Variants in ANKRD16 observed in about 807,000 individuals in gnomAD.
ANKRD16 encodes ankyrin repeat domain 16, also known as ankyrin repeat domain-containing protein 16.
A neutral mutation model predicts 37.9 loss-of-function variants in ANKRD16; 35 were observed. That is an observed-to-expected ratio of 0.92 (90% CI 0.71 to 1.23). The LOEUF is 1.23. Ranked by LOEUF, ANKRD16 falls within the 50% of genes most tolerant of loss-of-function variation. The pLI, the probability that ANKRD16 is intolerant of heterozygous loss-of-function variation, is 0.00. For synonymous variants in ANKRD16, 206 were observed against 197.2 expected (o/e 1.04, Z -0.37); for missense variants, 480 against 469.9 (o/e 1.02, Z -0.20).
chr10:5,880,921 C>A (rs1037649677), intron 5 of ANKRD16, among the ~76,000 whole-genome samples: 1 of 151,326 alleles, frequency 6.6e-6, no homozygotes, highest in African/African-American at 2.4e-5. Context: ...CTAAAACAGT[C>A]GACTGCTAAA....
intron 2 of ANKRD16, among the ~76,000 whole-genome samples, chr10:5,887,367 C>A (rs1446982723): frequency 7.3e-6 from 1 of 137,704 alleles, no homozygotes; most frequent in Non-Finnish European, 1.5e-5. Context: ...CAAAAGGCCC[C>A]TAGATGCTTT....
chr10:5,889,199 C>T lies in ANKRD16; in HGVS notation c.156G>A (p.Val52=). The part of the protein sequence containing the change: ...HCAARHGHRD[V]LAYLAEAWGM... ...CCCAGGCCTCGGCCAGATAGGCCAGCACGTCCCGATGCCCGTGGCGCGCGG... is the reference window on the plus strand; with the variant it reads ...CCCAGGCCTCGGCCAGATAGGCCAGTACGTCCCGATGCCCGTGGCGCGCGG... Residue 52 remains valine, a synonymous_variant, in exon 1 of 8, where the codon GTG becomes GTA. Transcript: ENST00000380094. The T allele has an allele frequency of 6.3e-7, 1 of 1,596,586 alleles. No homozygotes were observed. Among genetic ancestry groups the T allele is most frequent in the Non-Finnish European group, 8.5e-7 (1 of 1,178,856 alleles).
At chr10:5,876,843 T>C (rs1320025252) in intron 7 of ANKRD16, among the ~76,000 whole-genome samples, 1 of 152,050 alleles carries the variant, frequency 6.6e-6, no homozygotes, top group East Asian at 1.9e-4. Context: ...TAATTATTCT[T>C]TGCAATTCAG....
Position 5,862,749 on chromosome 10 carries a change from G to A in ANKRD16, c.*34-58C>T. The A allele has an allele frequency of 8.3e-7, 1 of 1,205,248 alleles. No individual in the cohort carries two copies. Among genetic ancestry groups the A allele is most frequent in the Admixed American group, 2.3e-5 (1 of 43,422 alleles). 74.7% of individuals were successfully genotyped at this position (1,205,248 alleles called of 1,614,324 possible). A position where few individuals can be genotyped will look rare whatever the true frequency, so the allele number is the denominator to read the frequency against. Reference sequence around the variant, plus strand: ...ACAGATGAAACAGAAGCTCAGAGAGGGCAAGCAGCTAGCACAAGGTCCCAC... The same window carrying A: ...ACAGATGAAACAGAAGCTCAGAGAGAGCAAGCAGCTAGCACAAGGTCCCAC... On this transcript the variant is annotated intron_variant, in intron 7 of 7. Coordinates refer to ENST00000380094, the MANE Select transcript of ANKRD16 (RefSeq NM_019046.3). This position sits in a 1 kb window ranked among gnomAD's most constrained non-coding sequence, Gnocchi z 6.5.
rs1842096573 is a variant in ANKRD16, at chr10:5,871,953, C to CA, written c.*33+6143dup. Among the ~76,000 whole-genome samples, 1 of 152,174 alleles carries CA rather than the reference C, an allele frequency of 6.6e-6. No individual in the cohort carries two copies. The highest frequency in any genetic ancestry group is 2.1e-4 in the South Asian group (1 of 4,832). On this transcript the variant is annotated intron_variant, in intron 7 of 7. Coordinates refer to ENST00000380094, the MANE Select transcript of ANKRD16 (RefSeq NM_019046.3). The surrounding 1 kb of genome is among the most constrained non-coding windows in gnomAD (Gnocchi z 4.5). ...GCAGCCCATATCTCCCACCCACTCG[C>CA]ATGGCCCAACCTCCAGTGATCAAAT...
Position 5,887,897 on chromosome 10 carries a change from C to G in ANKRD16, c.485G>C (p.Gly162Ala), listed in dbSNP as rs750489984. ...ILQYLLTVCPGAWKTESKIRR... is the reference protein window; with the variant it reads ...ILQYLLTVCPAAWKTESKIRR... ...AATTTTGCTCTCTGTCTTCCAGGCA[C>G]CTGGGCAAACAGTGAGCAGGTACTG... is the stretch of plus-strand genomic sequence containing the variant. Residue 162 changes from glycine to alanine, a missense_variant, in exon 2 of 8, where the codon GGT becomes GCT. Physicochemically the swap from Gly to Ala is moderately conservative, Grantham distance 60 (BLOSUM62 0). Coordinates refer to ENST00000380094, the MANE Select transcript of ANKRD16 (RefSeq NM_019046.3). The G allele has an allele frequency of 6.2e-7, 1 of 1,614,222 alleles. No homozygotes were observed. Among genetic ancestry groups the G allele is most frequent in the Admixed American group, 1.7e-5 (1 of 60,028 alleles).
rs1842054054 is a variant in ANKRD16 at position 5,869,057 on chromosome 10, A to G, written c.*34-6366T>C. On this transcript the variant is annotated intron_variant, in intron 7 of 7. Transcript: ENST00000380094. This position sits in a 1 kb window ranked among gnomAD's most constrained non-coding sequence, Gnocchi z 4.0. ...AACACAAATTTGTAAATTTTCTTAA[A>G]ACATTGAGATGTTTTGCGATTTTTT... Among the ~76,000 whole-genome samples, 1 of 152,166 alleles carries G rather than the reference A, an allele frequency of 6.6e-6. No homozygotes were observed. Among genetic ancestry groups the G allele is most frequent in the Non-Finnish European group, 1.5e-5 (1 of 68,030 alleles).
chr10:5,870,567 T>C lies in ANKRD16; in HGVS notation c.*33+7530A>G, dbSNP rs1842073134. On this transcript the variant is annotated intron_variant, in intron 7 of 7. Coordinates refer to ENST00000380094, the MANE Select transcript of ANKRD16 (RefSeq NM_019046.3). The surrounding 1 kb of genome is among the most constrained non-coding windows in gnomAD (Gnocchi z 5.0). ...TACAGGCACACCACGCCCAGCTAAT[T>C]TTTTGTATTTTTTGTAGAGGCAGGG... is the stretch of plus-strand genomic sequence containing the variant. 6.6e-6 allele frequency among the ~76,000 whole-genome samples: 1 copy of C among 152,046 alleles called. No homozygotes were observed. The highest frequency in any genetic ancestry group is 1.5e-5 in the Non-Finnish European group (1 of 68,006).
chr10:5,875,713 C>CTT (rs71388492), intron 7 of ANKRD16, among the ~76,000 whole-genome samples: 2 of 106,372 alleles, frequency 1.9e-5, no homozygotes, highest in Non-Finnish European at 4.1e-5. Flanking sequence ...AATTAATGTT[C>CTT]TTTTTTTTTT....
chr10:5,880,199 A>ATGG, intron 6 of ANKRD16, 99 bp downstream of exon 6: 1 of 290,074 alleles, frequency 3.4e-6, no homozygotes. Flanking sequence ...AAAAAAAAAA[A>ATGG]AAAAAGGAAG....
At chr10:5,885,321 C>A (rs905608229) in intron 3 of ANKRD16, among the ~76,000 whole-genome samples, 29 of 152,110 alleles carry the variant, frequency 1.9e-4, no homozygotes, top group African/African-American at 7.0e-4. Context: ...GCTGGGACTA[C>A]AGGCGCCCGC....
rs77417940 is a variant in ANKRD16 at position 5,882,087 on chromosome 10, C to T, written c.849+919G>A. On this transcript the variant is annotated intron_variant, in intron 5 of 7. Transcript: ENST00000380094. Reference sequence around the variant, plus strand: ...CGCCTGGCCTATAAAATAATTTATACACTCTTTGTCTAGCCAGTTAGTCTG... The same window carrying T: ...CGCCTGGCCTATAAAATAATTTATATACTCTTTGTCTAGCCAGTTAGTCTG... 8.2e-4 allele frequency among the ~76,000 whole-genome samples: 124 copies of T among 151,866 alleles called. 3 individuals carry two copies. The East Asian group carries it at 0.015, about 18-fold the overall frequency.
rs78666299 is a variant in ANKRD16 at position 5,868,636 on chromosome 10, G to A, written c.*34-5945C>T. ...AGGGAATAAAAGCTGGCCACCCCCA[G>A]CCAGCAGCGGCAACCCACTCGGGTC... On this transcript the variant is annotated intron_variant, in intron 7 of 7. Transcript: ENST00000380094. This position sits in a 1 kb window ranked among gnomAD's most constrained non-coding sequence, Gnocchi z 4.9. 1.3e-5 allele frequency among the ~76,000 whole-genome samples: 2 copies of A among 152,174 alleles called. No individual in the cohort carries two copies. Among genetic ancestry groups the A allele is most frequent in the Non-Finnish European group, 2.9e-5 (2 of 68,036 alleles).
Position 5,887,967 on chromosome 10 carries a change from T to G in ANKRD16, c.415A>C (p.Asn139His). Residue 139 changes from asparagine to histidine, a missense_variant, in exon 2 of 8, where the codon AAC (asparagine) becomes CAC (histidine). Coordinates refer to ENST00000380094, the MANE Select transcript of ANKRD16 (RefSeq NM_019046.3). ...TCTCGACTGGCAATGTGGAAACTGT[T>G]CCAGCCATCTTTGTTCTTCAGGAGT... The part of the protein sequence containing the change: ...NPLLKNKDGW[N>H]SFHIASREGD... The G allele has an allele frequency of 6.2e-7, 1 of 1,614,168 alleles. No individual in the cohort carries two copies. The highest frequency in any genetic ancestry group is 1.1e-5 in the South Asian group (1 of 91,080).
At chr10:5,883,600 A>G (rs1023885068) in intron 4 of ANKRD16, among the ~76,000 whole-genome samples, 2 of 152,176 alleles carry the variant, frequency 1.3e-5, no homozygotes, top group African/African-American at 4.8e-5. Context: ...CTGCTCTCAA[A>G]AAAGGGCTCT....
chr10:5,878,366 A>G lies in ANKRD16; in HGVS notation c.929-79T>C, dbSNP rs1311028826. The G allele has an allele frequency of 4.0e-6, 5 of 1,251,778 alleles. No individual in the cohort carries two copies. Among genetic ancestry groups the G allele is most frequent in the Non-Finnish European group, 5.5e-6 (5 of 909,862 alleles). 77.5% of individuals were successfully genotyped at this position (1,251,778 alleles called of 1,614,324 possible). On this transcript the variant is annotated intron_variant, in intron 6 of 7. Coordinates refer to ENST00000380094, the MANE Select transcript of ANKRD16 (RefSeq NM_019046.3). This position sits in a 1 kb window ranked among gnomAD's most constrained non-coding sequence, Gnocchi z 5.1. ...TGACCTCATGAGTTGATAGTGCCCA[A>G]TAAAAATATCAATTCTTTCAATATC...
Position 5,889,326 on chromosome 10 carries a change from A to G in ANKRD16, c.29T>C (p.Leu10Pro). Reference protein sequence around the residue: MAQPGDPRRLCRLVQEGRLR... With the variant: MAQPGDPRRPCRLVQEGRLR... ...CCGGCCCTCCTGCACCAGCCTGCAGAGGCGCCGCGGGTCCCCGGGCTGGGC... is the reference window on the plus strand; with the variant it reads ...CCGGCCCTCCTGCACCAGCCTGCAGGGGCGCCGCGGGTCCCCGGGCTGGGC... The change falls in exon 1 of 8, where the codon CTC (leucine) becomes CCC (proline). Residue 10 changes from leucine (L) to proline (P), a missense_variant. Coordinates refer to ENST00000380094, the MANE Select transcript of ANKRD16 (RefSeq NM_019046.3). The G allele has an allele frequency of 7.9e-7, 1 of 1,266,264 alleles. No individual in the cohort carries two copies. Among genetic ancestry groups the G allele is most frequent in the Non-Finnish European group, 9.9e-7 (1 of 1,009,362 alleles). The allele number at this position is 1,266,264 out of a possible 1,614,324, so 78.4% of individuals were successfully genotyped here. A position where few individuals can be genotyped will look rare whatever the true frequency, so the allele number is the denominator to read the frequency against.
intron 5 of ANKRD16, among the ~76,000 whole-genome samples, chr10:5,882,367 C>A (rs1042078040): frequency 3.3e-5 from 5 of 151,824 alleles, no homozygotes; most frequent in Non-Finnish European, 7.4e-5. Flanking sequence ...CGTGGTGAAA[C>A]CCCGTCTCTA....
In ANKRD16 at chr10:5,889,146, T is replaced by C; in HGVS notation, c.209A>G (p.Asp70Gly). 1 of 1,598,118 alleles carries C rather than the reference T, an allele frequency of 6.3e-7. No individual in the cohort carries two copies. Among genetic ancestry groups the C allele is most frequent in the Non-Finnish European group, 8.5e-7 (1 of 1,179,178 alleles). Residue 70 changes from aspartate (D) to glycine (G), a missense_variant, in exon 1 of 8, where the codon GAC becomes GGC. Asp to Gly is a moderately conservative substitution (Grantham distance 94). Transcript: ENST00000380094. ...CGCCTCGTGCAGAGGCCGCTTGTAGTCTCGGTTGGTGGCCTCGATGTCCAT... is the reference window on the plus strand; with the variant it reads ...CGCCTCGTGCAGAGGCCGCTTGTAGCCTCGGTTGGTGGCCTCGATGTCCAT... The part of the protein sequence containing the change: ...WGMDIEATNR[D>G]YKRPLHEAAS...
Sources: gnomAD v4.1 joint callset for allele counts (sites outside exome capture counted in the v4.1 genomes callset) on GRCh38, gnomAD v4.1.1 for gene constraint, Gnocchi (gnomAD v3.1) non-coding constraint, MANE v1.5 for transcripts, NCBI Gene and HGNC (gene_info 2026-07-23, HGNC 2026-07-21) for gene names.